KAZN: variants seen among roughly 807,000 people sequenced by gnomAD.
KAZN encodes kazrin.
Under a neutral mutation model 87.4 loss-of-function variants are expected in KAZN, and 40 were observed. The ratio of observed to expected loss-of-function variants is 0.46; its 90% CI spans 0.36 to 0.60. The LOEUF (loss-of-function observed/expected upper bound fraction) is 0.60. Among genes scored for constraint, KAZN ranks in the 20% least tolerant of loss-of-function variants. The pLI is 0.00. For synonymous variants in KAZN, 466 were observed against 458.3 expected, an observed-to-expected ratio of 1.02 and a Z score of -0.22; for missense variants, 898 against 1,073.9, an observed-to-expected ratio of 0.84 and a Z score of 2.29.
At chr1:14,169,617 C>T (rs945596755) in intron 1 of KAZN, among the ~76,000 whole-genome samples, 4 of 152,150 alleles carry the variant, frequency 2.6e-5, no homozygotes, top group African/African-American at 9.7e-5. Context: ...AGGACTGTCC[C>T]CTGCAGCAGG....
At chr1:13,938,170 G>GT (rs1490349514) in intron 1 of KAZN, among the ~76,000 whole-genome samples, 1 of 152,128 alleles carries the variant, frequency 6.6e-6, no homozygotes, top group Non-Finnish European at 1.5e-5. Flanking sequence ...GAGCATGGAA[G>GT]TTTTTTTCTG....
chr1:15,011,834 AC>A (rs762589527), intron 2 of KAZN, among the ~76,000 whole-genome samples: 1 of 152,140 alleles, frequency 6.6e-6, no homozygotes, highest in Non-Finnish European at 1.5e-5. Context: ...GCGGGGCACC[AC>A]TTAGCATCTT....
chr1:14,103,794 C>A (rs1644309977), intron 1 of KAZN, among the ~76,000 whole-genome samples: 1 of 152,158 alleles, frequency 6.6e-6, no homozygotes, highest in Admixed American at 6.5e-5. Flanking sequence ...CATCTGCAGC[C>A]TGAATTCCCC....
At chr1:14,898,961 G>A (rs1655559680) in intron 1 of KAZN, among the ~76,000 whole-genome samples, 2 of 152,192 alleles carry the variant, frequency 1.3e-5, no homozygotes, top group Admixed American at 6.5e-5. Context: ...AAAAGCCTGT[G>A]AATGACAATG....
chr1:13,990,175 A>T (rs966279253), intron 1 of KAZN, among the ~76,000 whole-genome samples: 2 of 152,236 alleles, frequency 1.3e-5, no homozygotes, highest in Non-Finnish European at 2.9e-5. Context: ...CTTCCTAGGT[A>T]TCTACCCAAG....
intron 2 of KAZN, among the ~76,000 whole-genome samples, chr1:14,419,847 C>T (rs1009585264): frequency 1.3e-5 from 2 of 152,134 alleles, no homozygotes; most frequent in African/African-American, 4.8e-5. Context: ...AAGCCAGACA[C>T]CTTTGCGGCG....
chr1:14,260,759 G>C (rs1650948549), intron 2 of KAZN, among the ~76,000 whole-genome samples: 1 of 152,176 alleles, frequency 6.6e-6, no homozygotes, highest in African/African-American at 2.4e-5. Flanking sequence ...TATGTATATA[G>C]TCGCTAATTT....
chr1:14,396,842 C>G (rs1277079371), intron 2 of KAZN, among the ~76,000 whole-genome samples: 1 of 151,950 alleles, frequency 6.6e-6, no homozygotes, highest in East Asian at 1.9e-4. Context: ...CACCTAAATG[C>G]CTTTTCTCTA....
chr1:14,646,094 G>A (rs1398840560), intron 1 of KAZN, among the ~76,000 whole-genome samples: 2 of 152,102 alleles, frequency 1.3e-5, no homozygotes, highest in African/African-American at 4.8e-5. Context: ...AGGGGTTGGG[G>A]TGGGGAGTGG....
intron 1 of KAZN, among the ~76,000 whole-genome samples, chr1:14,848,431 G>C (rs1221130910): frequency 6.6e-6 from 1 of 152,196 alleles, no homozygotes; most frequent in Non-Finnish European, 1.5e-5. Flanking sequence ...CTACCGCAGA[G>C]GTATTTCAAG....
chr1:14,850,537 T>C (rs534167712), intron 1 of KAZN, among the ~76,000 whole-genome samples: 6 of 152,304 alleles, frequency 3.9e-5, no homozygotes, highest in African/African-American at 1.4e-4. Flanking sequence ...AGATAATAAG[T>C]ACAGCAAGAG....
intron 2 of KAZN, among the ~76,000 whole-genome samples, chr1:14,262,167 A>AG (rs1651079086): frequency 6.6e-6 from 1 of 152,184 alleles, no homozygotes; most frequent in Admixed American, 6.5e-5. Flanking sequence ...TAATCCCAGC[A>AG]CTTTGGGAAG....
In KAZN at chr1:14,814,045, G is replaced by C. The variant is rs907826170; in HGVS notation, c.227-146639G>C. Among the ~76,000 whole-genome samples the C allele has an allele frequency of 2.6e-5, 4 of 152,204 alleles. No homozygotes were observed. The East Asian group carries it at 7.7e-4, about 29-fold the overall frequency. On this transcript the variant is annotated intron_variant, in intron 1 of 14. Transcript: ENST00000376030. ...GGGTATTAGACCTCACCTTGCCTCT[G>C]TCAATGGGTGATGCCAGCATCGTCA...
Position 14,385,490 on chromosome 1 carries a change from C to T in KAZN, c.249+204898C>T, listed in dbSNP as rs1449940895. On this transcript the variant is annotated intron_variant, in intron 2 of 16. Transcript: ENST00000636203. ...CCTCCACACACTGCTTTGAATGTGT[C>T]CCAGAGACTCTGGTATGTTGTGTCT... Among the ~76,000 whole-genome samples, 3 of 152,178 alleles carry T rather than the reference C, an allele frequency of 2.0e-5. No homozygotes were observed. In the East Asian group the frequency reaches 5.8e-4, roughly 29 times the overall value.
Position 14,485,834 on chromosome 1 carries a change from A to C in KAZN, c.250-113149A>C, listed in dbSNP as rs575554199. Among the ~76,000 whole-genome samples, 4 of 151,256 alleles carry C rather than the reference A, an allele frequency of 2.6e-5. No individual in the cohort carries two copies. The East Asian group carries it at 7.8e-4, about 30-fold the overall frequency. ...CTTGAACCCCAGAGGCGGAGGTTGCAGTGAACCAAGATCACACCACTGCAC... is the reference window on the plus strand; with the variant it reads ...CTTGAACCCCAGAGGCGGAGGTTGCCGTGAACCAAGATCACACCACTGCAC... On this transcript the variant is annotated intron_variant, in intron 2 of 16. Coordinates refer to the KAZN transcript ENST00000636203.
At chr1:14,537,409 T>C (rs1672567178) in intron 2 of KAZN, among the ~76,000 whole-genome samples, 1 of 152,256 alleles carries the variant, frequency 6.6e-6, no homozygotes, top group Admixed American at 6.5e-5. Flanking sequence ...GAATTTTATT[T>C]CATTTTAATT....
chr1:13,904,639 G>A (rs1315213813), intron 1 of KAZN, among the ~76,000 whole-genome samples: 1 of 152,132 alleles, frequency 6.6e-6, no homozygotes, highest in Admixed American at 6.6e-5. Context: ...CTTTGATTTT[G>A]GGGTCATTTC....
intron 1 of KAZN, chr1:14,180,344 C>G: frequency 8.7e-7 from 1 of 1,154,446 alleles, no homozygotes; most frequent in Non-Finnish European, 1.2e-6. Flanking sequence ...CTTGTATGTA[C>G]ACCCTTACTT....
intron 1 of KAZN, among the ~76,000 whole-genome samples, chr1:14,908,534 CCT>C (rs1656870048): frequency 6.6e-6 from 1 of 151,848 alleles, no homozygotes; most frequent in African/African-American, 2.4e-5. Flanking sequence ...AGAGTGAAAC[CCT>C]GTTTCAAAAA....
Sources: allele counts gnomAD v4.1 joint callset (sites outside exome capture counted in the v4.1 genomes callset), GRCh38; gene constraint gnomAD v4.1.1; transcripts MANE v1.5; gene names NCBI Gene and HGNC (gene_info 2026-07-23, HGNC 2026-07-21).